The following KIF15 variants were observed in gnomAD, a reference collection of about 807,000 sequenced individuals.
KIF15 encodes the protein kinesin-like protein KIF15.
KIF15 carries 140 observed loss-of-function variants against 190.6 expected under a neutral mutation model. The ratio of observed to expected loss-of-function variants is 0.73; its 90% CI spans 0.64 to 0.84. KIF15 has a LOEUF of 0.84. Ranked by LOEUF, KIF15 falls within the 40% of genes least tolerant of loss-of-function variation. The probability of loss-of-function intolerance (pLI) is 0.00; values close to 1 mark genes in which losing one functional copy is unlikely to be tolerated. For synonymous variants in KIF15, 528 were observed against 551.3 expected (o/e 0.96, Z 0.59); for missense variants, 1,372 against 1,584.4 (o/e 0.87, Z 2.28).
intron 26 of KIF15, among the ~76,000 whole-genome samples, chr3:44,833,408 T>TG (rs1453329281): frequency 2.0e-5 from 3 of 151,912 alleles, no homozygotes; most frequent in Non-Finnish European, 4.4e-5. Context: ...GTAGAATCAG[T>TG]GGGAGCCCTG....
intron 1 of KIF15, among the ~76,000 whole-genome samples, chr3:44,763,548 C>T (rs548436833): frequency 1.3e-5 from 2 of 152,188 alleles, no homozygotes; most frequent in South Asian, 4.2e-4. Flanking sequence ...GATTTGCCCA[C>T]CTTGGCCTCC....
chr3:44,822,384 G>C (rs1697392542), intron 20 of KIF15, among the ~76,000 whole-genome samples: 1 of 152,278 alleles, frequency 6.6e-6, no homozygotes, highest in Admixed American at 6.5e-5. Context: ...CTGTTAGTCT[G>C]ATGGGCTTCC....
At chr3:44,783,801 A>C (rs1191125734) in intron 5 of KIF15, among the ~76,000 whole-genome samples, 2 of 152,216 alleles carry the variant, frequency 1.3e-5, no homozygotes, top group Non-Finnish European at 2.9e-5. Flanking sequence ...TTTCTTGTGC[A>C]TGTCAGCATT....
intron 6 of KIF15, chr3:44,862,153 GC>G: frequency 1.7e-6 from 2 of 1,148,842 alleles, no homozygotes; most frequent in Non-Finnish European, 2.2e-6. Flanking sequence ...GCTGCTGCGG[GC>G]GGGCGGGCGG....
At chr3:44,800,248 T>G (rs1006460062) in intron 10 of KIF15, 66 bp from the exon 11 acceptor site, 4 of 1,468,828 alleles carry the variant, frequency 2.7e-6, no homozygotes, top group Admixed American at 3.8e-5. Flanking sequence ...ACCAAACAAA[T>G]GTAAACACAG....
At chr3:44,790,894 G>GA (rs893894514) in intron 7 of KIF15, among the ~76,000 whole-genome samples, 9 of 151,900 alleles carry the variant, frequency 5.9e-5, no homozygotes, top group African/African-American at 1.9e-4. Context: ...GGTTGGCCAG[G>GA]ATGGTCTCTA....
intron 4 of KIF15, among the ~76,000 whole-genome samples, chr3:44,778,490 A>G (rs77950368): frequency 0.069 from 10,509 of 152,160 alleles, 422 homozygotes; most frequent in African/African-American, 0.11. Flanking sequence ...AACCAACAAC[A>G]TGTAACTCTT....
intron 5 of KIF15, among the ~76,000 whole-genome samples, chr3:44,784,614 T>G (rs1050938744): frequency 6.6e-6 from 1 of 152,228 alleles, no homozygotes; most frequent in African/African-American, 2.4e-5. Context: ...CAGGTCAGTC[T>G]ATGAGACCAA....
intron 6 of KIF15, among the ~76,000 whole-genome samples, chr3:44,858,849 GGGAT>G (rs1246311435): frequency 6.6e-6 from 1 of 152,196 alleles, no homozygotes; most frequent in African/African-American, 2.4e-5. Context: ...GATTAAGAAG[GGGAT>G]GGACTTATCC....
intron 20 of KIF15, among the ~76,000 whole-genome samples, chr3:44,821,911 TAGG>T (rs1248827280): frequency 2.0e-5 from 3 of 152,224 alleles, no homozygotes; most frequent in African/African-American, 4.8e-5. Flanking sequence ...CACTCGCGGT[TAGG>T]AGCTGGAGAC....
chr3:44,835,892 A>G (rs1698286561), intron 26 of KIF15, among the ~76,000 whole-genome samples: 1 of 152,244 alleles, frequency 6.6e-6, no homozygotes, highest in Non-Finnish European at 1.5e-5. Context: ...TGTACAAATG[A>G]TGACATCATA....
intron 1 of KIF15, among the ~76,000 whole-genome samples, chr3:44,765,475 A>G (rs1230942359): frequency 1.3e-5 from 2 of 152,222 alleles, no homozygotes; most frequent in Admixed American, 1.3e-4. Flanking sequence ...AGCTTTGGAT[A>G]TGCCCACCTT....
chr3:44,815,107 C>T (rs1180132994), intron 20 of KIF15, 31 bp downstream of exon 20: 8 of 1,514,120 alleles, frequency 5.3e-6, no homozygotes, highest in Non-Finnish European at 7.1e-6. Context: ...TTTCAAGTTG[C>T]CTGATTGGCT....
chr3:44,862,005 C>A, intron 6 of KIF15: 1 of 1,380,910 alleles, frequency 7.2e-7, no homozygotes, highest in Non-Finnish European at 9.4e-7. Context: ...TCCCTCCGCA[C>A]CTCCAGGCGG....
chr3:44,860,751 G>A (rs1038665341), intron 6 of KIF15, among the ~76,000 whole-genome samples: 4 of 152,126 alleles, frequency 2.6e-5, no homozygotes, highest in African/African-American at 9.7e-5. Flanking sequence ...ATAAAAACTT[G>A]CTAAACAGAA....
chr3:44,784,737 G>A (rs1210868952), intron 5 of KIF15, 108 bp from the exon 6 acceptor site: 3 of 655,994 alleles, frequency 4.6e-6, no homozygotes, highest in Non-Finnish European at 7.9e-6. Context: ...TGGAGCACAA[G>A]TAGGAAACTG....
intron 1 of KIF15, among the ~76,000 whole-genome samples, chr3:44,764,277 A>AT (rs1168335310): frequency 1.3e-5 from 2 of 152,188 alleles, no homozygotes; most frequent in Non-Finnish European, 2.9e-5. Flanking sequence ...TAACTACCTG[A>AT]TCCCCAACCA....
intron 6 of KIF15, among the ~76,000 whole-genome samples, chr3:44,785,300 A>T (rs1257364572): frequency 6.6e-6 from 1 of 152,246 alleles, no homozygotes; most frequent in African/African-American, 2.4e-5. Flanking sequence ...AAGCCTAATC[A>T]TCTACCTGTA....
intron 8 of KIF15, among the ~76,000 whole-genome samples, 174 bp downstream of exon 8, chr3:44,794,600 G>A (rs181650741): frequency 6.6e-6 from 1 of 152,102 alleles, no homozygotes; most frequent in Non-Finnish European, 1.5e-5. Context: ...ATACCATCTC[G>A]GTTTGCATAA....
Sources: allele counts gnomAD v4.1 joint callset (sites outside exome capture counted in the v4.1 genomes callset), GRCh38; gene constraint gnomAD v4.1.1; transcripts MANE v1.5; gene names NCBI Gene and HGNC (gene_info 2026-07-23, HGNC 2026-07-21).